The following OTOGL variants were observed in gnomAD, a reference collection of about 807,000 sequenced individuals.
OTOGL encodes otogelin like.
Under a neutral mutation model 318.5 loss-of-function variants are expected in OTOGL, and 285 were observed. The observed-to-expected ratio is 0.89, with a 90% confidence interval of 0.81 to 0.99. The LOEUF is 0.99. OTOGL is among the 50% of genes least tolerant of loss of function. The pLI is 0.00. For synonymous variants in OTOGL, 987 were observed against 936.5 expected, an observed-to-expected ratio of 1.05 and a Z score of -0.99; for missense variants, 2,899 against 2,845.6, an observed-to-expected ratio of 1.02 and a Z score of -0.43.
intron 28 of OTOGL, among the ~76,000 whole-genome samples, chr12:80,304,313 G>C (rs1282979357): frequency 6.6e-6 from 1 of 151,644 alleles, no homozygotes; most frequent in Non-Finnish European, 1.5e-5. Flanking sequence ...AATATTGTTA[G>C]TTTACTATTT....
rs752716286 is a variant in OTOGL at position 80,352,475 on chromosome 12, A to G, written c.5407+39A>G. The G allele has an allele frequency of 1.8e-5, 26 of 1,464,468 alleles. 2 individuals are homozygous for G. The Admixed American group carries it at 4.3e-4, about 24-fold the overall frequency. The allele number at this position is 1,464,468 out of a possible 1,614,324, so 90.7% of individuals were successfully genotyped here. ...AACTGAATATTTTTCCATCATAAAT[A>G]AATTTCACTTTTGCAATCACTTCTT... On this transcript the variant is annotated intron_variant, in intron 45 of 58. Transcript: ENST00000547103.
At chr12:80,290,446 ACTTT>A (rs1188350379) in intron 26 of OTOGL, among the ~76,000 whole-genome samples, 2 of 152,008 alleles carry the variant, frequency 1.3e-5, no homozygotes, top group Non-Finnish European at 2.9e-5. Flanking sequence ...AGAACATTTT[ACTTT>A]CTTTAACAAC....
At chr12:80,317,333 G>A (rs535147637) in intron 32 of OTOGL, among the ~76,000 whole-genome samples, 1 of 152,236 alleles carries the variant, frequency 6.6e-6, no homozygotes, top group South Asian at 2.1e-4. Context: ...TCTCCCAGTT[G>A]CTGGTGAAAA....
At chr12:80,162,100 A>G (rs1185151599) in intron 1 of OTOGL, among the ~76,000 whole-genome samples, 3 of 152,188 alleles carry the variant, frequency 2.0e-5, no homozygotes, top group Non-Finnish European at 2.9e-5. Context: ...AAGAAATTCT[A>G]AAGTGATTTT....
intron 1 of OTOGL, among the ~76,000 whole-genome samples, chr12:80,149,584 G>T (rs1326192580): frequency 1.3e-5 from 2 of 152,102 alleles, no homozygotes; most frequent in Admixed American, 6.5e-5. Flanking sequence ...CTTGAGCTGT[G>T]GTGGGCTCCA....
chr12:80,328,888 T>C (rs2081697577), intron 36 of OTOGL, 144 bp downstream of exon 36: 1 of 1,032,376 alleles, frequency 9.7e-7, no homozygotes, highest in Non-Finnish European at 1.4e-6. Flanking sequence ...CATAGCTTTT[T>C]TTCCCTAATT....
chr12:80,235,607 C>G (rs1207764231), intron 9 of OTOGL, among the ~76,000 whole-genome samples: 6 of 152,112 alleles, frequency 3.9e-5, no homozygotes, highest in African/African-American at 1.4e-4. Flanking sequence ...GAGTTAAGGG[C>G]CAGACAGACT....
Position 80,355,929 on chromosome 12 carries a change from C to G in OTOGL, c.5787C>G (p.Cys1929Trp). 6.2e-7 allele frequency: 1 copy of G among 1,613,818 alleles called. No homozygotes were observed. The highest frequency in any genetic ancestry group is 8.5e-7 in the Non-Finnish European group (1 of 1,179,782). Reference protein sequence around the residue: ...VVMGIIDKWTCCSKEVCGCDT... With the variant: ...VVMGIIDKWTWCSKEVCGCDT... ...TGGGCATCATTGATAAATGGACCTG[C>G]TGTTCAAAGGAAGTTTGTGGTATGT... Residue 1929 changes from cysteine to tryptophan, a missense_variant, in exon 47 of 59, where the codon TGC becomes TGG. This residue lies in a region of OTOGL where 2,607 missense variants were observed against 2,524.9 expected (regional missense o/e 1.03). Transcript: ENST00000547103.
At chr12:80,212,162 C>T (rs921889072) in intron 4 of OTOGL, among the ~76,000 whole-genome samples, 165 bp downstream of exon 4, 2 of 152,082 alleles carry the variant, frequency 1.3e-5, no homozygotes, top group African/African-American at 4.8e-5. Context: ...TTTTCTACGA[C>T]CATCGAATTC....
At position 80,215,088 on chromosome 12, in the gene OTOGL, T is replaced by C. The variant is rs571912841; in HGVS notation, c.169-2510T>C. 1.3e-3 allele frequency among the ~76,000 whole-genome samples: 191 copies of C among 152,160 alleles called. 1 individual carries two copies. Among genetic ancestry groups the C allele is most frequent in the Admixed American group, 3.5e-3 (54 of 15,266 alleles). On this transcript the variant is annotated intron_variant, in intron 4 of 58. Transcript: ENST00000547103. ...AGGATATGGAGCAAGAAACAAATTA[T>C]ATATTTTTATCTTGCTTGTGTTATC...
chr12:80,273,608 T>C (rs575118421), intron 24 of OTOGL, among the ~76,000 whole-genome samples: 19 of 152,242 alleles, frequency 1.2e-4, no homozygotes, highest in African/African-American at 4.6e-4. Flanking sequence ...ACCAGTTATA[T>C]AGTAAGAGCT....
chr12:80,354,374 G>A (rs1429023901), intron 46 of OTOGL, among the ~76,000 whole-genome samples: 3 of 152,146 alleles, frequency 2.0e-5, no homozygotes, highest in African/African-American at 4.8e-5. Flanking sequence ...GTGATTAAAT[G>A]AACCTCTTTT....
chr12:80,327,914 G>A (rs867748932), intron 35 of OTOGL, among the ~76,000 whole-genome samples: 18 of 133,262 alleles, frequency 1.4e-4, no homozygotes, highest in South Asian at 7.3e-4. Context: ...AGCCGAGATC[G>A]CGCCACTGCA....
chr12:80,279,789 C>A (rs143874545), intron 26 of OTOGL, among the ~76,000 whole-genome samples: 1 of 151,572 alleles, frequency 6.6e-6, no homozygotes, highest in Non-Finnish European at 1.5e-5. Context: ...GATTTATATT[C>A]CTTTGGGTAT....
At chr12:80,293,305 G>C (rs1885170164) in intron 26 of OTOGL, among the ~76,000 whole-genome samples, 1 of 152,152 alleles carries the variant, frequency 6.6e-6, no homozygotes. Flanking sequence ...CCTTTGCATT[G>C]TGCATTATTA....
chr12:80,371,349 T>G (rs1441975897), intron 56 of OTOGL, among the ~76,000 whole-genome samples: 1 of 152,152 alleles, frequency 6.6e-6, no homozygotes, highest in Non-Finnish European at 1.5e-5. Context: ...TTGATTTTTT[T>G]TCAGGATGTA....
At chr12:80,182,653 G>A (rs931805476) in intron 1 of OTOGL, among the ~76,000 whole-genome samples, 2 of 152,126 alleles carry the variant, frequency 1.3e-5, no homozygotes, top group African/African-American at 4.8e-5. Context: ...GGAAGATTAT[G>A]AATTTTTCAG....
chr12:80,332,251 C>G (rs568313227), intron 37 of OTOGL, among the ~76,000 whole-genome samples: 1 of 152,084 alleles, frequency 6.6e-6, no homozygotes, highest in African/African-American at 2.4e-5. Flanking sequence ...ACAGCTAATA[C>G]ACTGGTGTTG....
chr12:80,200,259 T>A (rs1876367336), intron 1 of OTOGL, among the ~76,000 whole-genome samples: 1 of 152,146 alleles, frequency 6.6e-6, no homozygotes, highest in Admixed American at 6.6e-5. Flanking sequence ...TAGTTAAGAG[T>A]GGGAGCACAA....
Sources: allele counts gnomAD v4.1 joint callset (sites outside exome capture counted in the v4.1 genomes callset), GRCh38; gene constraint gnomAD v4.1.1; regional missense constraint gnomAD v4.1.1; transcripts MANE v1.5; gene names NCBI Gene and HGNC (gene_info 2026-07-23, HGNC 2026-07-21).